Variants in RAC3 observed in about 807,000 individuals in gnomAD.
The protein encoded by RAC3 is ras-related C3 botulinum toxin substrate 3.
In RAC3, 9 loss-of-function variants were observed where a neutral mutation model predicts 19.0. The ratio of observed to expected loss-of-function variants is 0.47; its 90% CI spans 0.29 to 0.83. The LOEUF (loss-of-function observed/expected upper bound fraction) is 0.83. RAC3 is among the 40% of genes least tolerant of loss of function. The probability of loss-of-function intolerance (pLI) is 0.09; values close to 1 mark genes in which losing one functional copy is unlikely to be tolerated. For missense variants in RAC3, 203 were observed against 260.8 expected, an observed-to-expected ratio of 0.78 and a Z score of 1.53; for synonymous variants, 146 against 111.8, an observed-to-expected ratio of 1.31 and a Z score of -1.93.
At chr17:82,032,134 C>T (rs956989425) in intron 1 of RAC3, 1 of 538,892 alleles carries the variant, frequency 1.9e-6, no homozygotes, top group Non-Finnish European at 3.3e-6. Flanking sequence ...CTGCCGCCAC[C>T]CTCGGAGTCG....
chr17:82,032,463 G>C lies in RAC3; in HGVS notation c.107+5G>C. 6.2e-7 allele frequency: 1 copy of C among 1,612,666 alleles called. No individual in the cohort carries two copies. Among genetic ancestry groups the C allele is most frequent in the East Asian group, 2.2e-5 (1 of 44,888 alleles). ...CGGAGAGTACATCCCCACCGTGTGA[G>C]TGTGGGGGCTTCCCGGGAGAGCACA... On this transcript the variant is annotated splice_donor_5th_base_variant and intron_variant, in intron 2 of 5. Coordinates refer to ENST00000306897, the MANE Select transcript of RAC3 (RefSeq NM_005052.3).
chr17:82,032,624 A>G, intron 2 of RAC3, 87 bp from the exon 3 acceptor site: 2 of 1,465,366 alleles, frequency 1.4e-6, no homozygotes, highest in African/African-American at 1.4e-5. Context: ...TTCTGTGCAG[A>G]CTTGTGAACC....
Position 82,032,981 on chromosome 17 carries a change from C to A in RAC3, c.260C>A (p.Pro87Gln). The A allele has an allele frequency of 6.2e-7, 1 of 1,613,636 alleles. No homozygotes were observed. Among genetic ancestry groups the A allele is most frequent in the Non-Finnish European group, 8.5e-7 (1 of 1,179,982 alleles). ...VFLICFSLVS[P>Q]ASFENVRAKW... ...CTGATCTGCTTCTCTCTGGTGAGCC[C>A]GGCCTCCTTCGAGAATGTTCGTGCC... Residue 87 changes from proline (P) to glutamine (Q), a missense_variant, in exon 4 of 6, where the codon CCG (proline) becomes CAG (glutamine). By Grantham distance (76) the Pro-to-Gln change is moderately conservative. Around this residue, in one of 3 missense-constraint regions of RAC3, gnomAD observed 142 missense variants for 158.2 expected, o/e 0.90. Transcript: ENST00000306897.
At position 82,032,384 on chromosome 17, in the gene RAC3, C is replaced by T. The variant is rs375609101; in HGVS notation, c.36-3C>T. The stretch of plus-strand genomic sequence containing the variant: ...GGAGCCACGTGGCTTGCCCTGTCCG[C>T]AGCGCCGTGGGGAAGACATGCTTGC... On this transcript the variant is annotated splice_region_variant and splice_polypyrimidine_tract_variant and intron_variant, in intron 1 of 5. Coordinates refer to ENST00000306897, the MANE Select transcript of RAC3 (RefSeq NM_005052.3). The T allele has an allele frequency of 3.1e-6, 5 of 1,612,382 alleles. No individual in the cohort carries two copies. Among genetic ancestry groups the T allele is most frequent in the Admixed American group, 3.3e-5 (2 of 60,002 alleles).
Position 82,033,145 on chromosome 17 carries a change from G to A in RAC3, c.288+136G>A, listed in dbSNP as rs2043449444. ...CGGAGTGGGGTCTGAAGATGACCAT[G>A]GGGGCTGATGGGGTGCCGTGGTGGT... is the stretch of plus-strand genomic sequence containing the variant. On this transcript the variant is annotated intron_variant, in intron 4 of 5. Coordinates refer to ENST00000306897, the MANE Select transcript of RAC3 (RefSeq NM_005052.3). The surrounding 1 kb of genome is among the most constrained non-coding windows in gnomAD (Gnocchi z 6.2). 1.0e-6 allele frequency: 1 copy of A among 965,074 alleles called. No individual in the cohort carries two copies. The highest frequency in any genetic ancestry group is 1.6e-5 in the African/African-American group (1 of 61,732). 59.8% of individuals were successfully genotyped at this position (965,074 alleles called of 1,614,324 possible). A position where few individuals can be genotyped will look rare whatever the true frequency, so the allele number is the denominator to read the frequency against.
At chr17:82,032,288 G>T (rs868457310) in intron 1 of RAC3, 99 bp from the exon 2 acceptor site, 3 of 1,158,294 alleles carry the variant, frequency 2.6e-6, no homozygotes, top group Non-Finnish European at 3.8e-6. Flanking sequence ...GACCCCAGAC[G>T]CCCCTAACTC....
chr17:82,034,000 C>A lies in RAC3; in HGVS notation c.*171C>A. 3.4e-6 allele frequency: 3 copies of A among 878,538 alleles called. No homozygotes were observed. Among genetic ancestry groups the A allele is most frequent in the Non-Finnish European group, 5.0e-6 (3 of 605,444 alleles). The allele number at this position is 878,538 out of a possible 1,614,324, so 54.4% of individuals were successfully genotyped here. The stretch of plus-strand genomic sequence containing the variant: ...CAGGATCCTGTCCTCTCTGCCGCCT[C>A]ATTCTGGGGTGTGGCTCCAGCCTTC... On this transcript the variant is annotated 3_prime_UTR_variant, in exon 6 of 6. Transcript: ENST00000306897. The surrounding 1 kb of genome is among the most constrained non-coding windows in gnomAD (Gnocchi z 6.2).
Position 82,032,465 on chromosome 17 carries a change from G to T in RAC3, c.107+7G>T. On this transcript the variant is annotated splice_region_variant and intron_variant, in intron 2 of 5. Coordinates refer to ENST00000306897, the MANE Select transcript of RAC3 (RefSeq NM_005052.3). Reference sequence around the variant, plus strand: ...GAGAGTACATCCCCACCGTGTGAGTGTGGGGGCTTCCCGGGAGAGCACAGG... The same window carrying T: ...GAGAGTACATCCCCACCGTGTGAGTTTGGGGGCTTCCCGGGAGAGCACAGG... The T allele has an allele frequency of 6.2e-7, 1 of 1,612,776 alleles. No individual in the cohort carries two copies. Among genetic ancestry groups the T allele is most frequent in the Non-Finnish European group, 8.5e-7 (1 of 1,179,730 alleles).
In RAC3 at chr17:82,032,954, TTC is replaced by T; in HGVS notation, c.235_236del (p.Leu79AspfsTer48). The T allele has an allele frequency of 6.2e-7, 1 of 1,613,712 alleles. No homozygotes were observed. Among genetic ancestry groups the T allele is most frequent in the Non-Finnish European group, 8.5e-7 (1 of 1,179,960 alleles). ...TCCCACCTTTTTCCCAAGGACGTCT[TTC>T]TGATCTGCTTCTCTCTGGTGAGCCC... On this transcript the variant is annotated frameshift_variant, in exon 4 of 6. Transcript: ENST00000306897. LOFTEE classifies it high-confidence loss of function.
chr17:82,032,416 GCTA>G lies in RAC3; in HGVS notation c.67_69del (p.Tyr23del). 6.2e-7 allele frequency: 1 copy of G among 1,612,930 alleles called. No homozygotes were observed. Among genetic ancestry groups the G allele is most frequent in the Non-Finnish European group, 8.5e-7 (1 of 1,179,944 alleles). The stretch of plus-strand genomic sequence containing the variant: ...GTGGGGAAGACATGCTTGCTGATCA[GCTA>G]CACGACCAACGCCTTCCCCGGAGAG... On this transcript the variant is annotated inframe_deletion, in exon 2 of 6. Transcript: ENST00000306897.
chr17:82,033,469 C>T lies in RAC3; in HGVS notation c.318C>T (p.Pro106=). 2 of 1,611,242 alleles carry T rather than the reference C, an allele frequency of 1.2e-6. No individual in the cohort carries two copies. Among genetic ancestry groups the T allele is most frequent in the Non-Finnish European group, 1.7e-6 (2 of 1,179,006 alleles). The part of the protein sequence containing the change: ...KWYPEVRHHC[P]HTPILLVGTK... ...ACCCGGAGGTGCGGCACCACTGCCC[C>T]CACACGCCCATCCTCCTGGTGGGCA... Residue 106 remains proline (P), a synonymous_variant, in exon 5 of 6, where the codon CCC becomes CCT. Transcript: ENST00000306897. The surrounding 1 kb of genome is among the most constrained non-coding windows in gnomAD (Gnocchi z 6.2).
chr17:82,032,890 G>T, intron 3 of RAC3, 57 bp from the exon 4 acceptor site: 2 of 1,609,812 alleles, frequency 1.2e-6, no homozygotes, highest in Admixed American at 1.7e-5. Context: ...CACAAGGGAG[G>T]GAGCAGGGCC....
In RAC3 at chr17:82,033,943, C is replaced by A; in HGVS notation, c.*114C>A. 7.3e-7 allele frequency: 1 copy of A among 1,364,598 alleles called. No individual in the cohort carries two copies. Among genetic ancestry groups the A allele is most frequent in the Non-Finnish European group, 9.8e-7 (1 of 1,017,858 alleles). The allele number at this position is 1,364,598 out of a possible 1,614,324, so 84.5% of individuals were successfully genotyped here. ...GGCTGTGGGGAGCGGTGGGGGTGGG[C>A]CGGGGGGAAGCATGGGGATGAGGCT... On this transcript the variant is annotated 3_prime_UTR_variant, in exon 6 of 6. Coordinates refer to ENST00000306897, the MANE Select transcript of RAC3 (RefSeq NM_005052.3). This position sits in a 1 kb window ranked among gnomAD's most constrained non-coding sequence, Gnocchi z 6.2.
Position 82,033,599 on chromosome 17 carries a change from G to A in RAC3, c.448G>A (p.Gly150Ser). The A allele has an allele frequency of 6.2e-7, 1 of 1,608,934 alleles. No homozygotes were observed. The highest frequency in any genetic ancestry group is 2.2e-5 in the East Asian group (1 of 44,796). The change falls in exon 5 of 6, where the codon GGC (glycine) becomes AGC (serine). Residue 150 changes from glycine (G) to serine (S), a missense_variant and splice_region_variant. Transcript: ENST00000306897. This position sits in a 1 kb window ranked among gnomAD's most constrained non-coding sequence, Gnocchi z 6.2. The part of the protein sequence containing the change: ...PQGLAMAREI[G>S]SVKYLECSAL... ...GGGCCTGGCCATGGCCCGGGAGATT[G>A]GTGGGTAGGCGCTGGCGGCCTGCAG...
Sources: allele counts gnomAD v4.1 joint callset, GRCh38; gene constraint gnomAD v4.1.1; regional missense constraint gnomAD v4.1.1; non-coding constraint Gnocchi (gnomAD v3.1); transcripts MANE v1.5; gene names NCBI Gene and HGNC (gene_info 2026-07-23, HGNC 2026-07-21).